FBN2: variants seen among roughly 807,000 people sequenced by gnomAD.
FBN2 encodes the protein fibrillin 2, also known as fibrillin-2.
FBN2 carries 105 observed loss-of-function variants against 355.6 expected under a neutral mutation model. The ratio of observed to expected loss-of-function variants is 0.30; its 90% CI spans 0.25 to 0.35. The LOEUF is 0.35. Ranked by LOEUF, FBN2 falls within the 10% of genes least tolerant of loss-of-function variation. FBN2 has a pLI of 1.00. For missense variants in FBN2, 3,280 were observed against 3,758.7 expected, an observed-to-expected ratio of 0.87 and a Z score of 3.33; for synonymous variants, 1,350 against 1,301.2, an observed-to-expected ratio of 1.04 and a Z score of -0.81.
chr5:128,310,394 ATATATATATTTTTTT>A (rs1326235917), intron 39 of FBN2, among the ~76,000 whole-genome samples: 566 of 20,360 alleles, frequency 0.028, 7 homozygotes, highest in South Asian at 0.15. Flanking sequence ...ATATATATAT[ATATATATATTTTTTT>A]TTTTTTTTTT....
intron 5 of FBN2, among the ~76,000 whole-genome samples, chr5:128,491,471 GT>G (rs1713802113): frequency 1.3e-5 from 2 of 152,176 alleles, no homozygotes; most frequent in African/African-American, 4.8e-5. Flanking sequence ...AGCTTAGGAA[GT>G]AATCACGTTT....
chr5:128,471,441 C>CA (rs1754857957), intron 5 of FBN2, among the ~76,000 whole-genome samples: 2 of 152,070 alleles, frequency 1.3e-5, no homozygotes, highest in African/African-American at 4.8e-5. Flanking sequence ...ATCTTTAGAT[C>CA]AAATAAACTC....
At chr5:128,338,763 A>G (rs1487807915) in intron 26 of FBN2, among the ~76,000 whole-genome samples, 170 bp downstream of exon 26, 1 of 152,084 alleles carries the variant, frequency 6.6e-6, no homozygotes, top group African/African-American at 2.4e-5. Flanking sequence ...GCTCCCCGAG[A>G]GCTATCCAGG....
chr5:128,408,548 T>C (rs1752988982), intron 8 of FBN2, 126 bp downstream of exon 8: 3 of 1,140,210 alleles, frequency 2.6e-6, no homozygotes, highest in Non-Finnish European at 3.9e-6. Context: ...CTGGTACCGT[T>C]TACATTAAAC....
intron 4 of FBN2, 130 bp from the exon 5 acceptor site, chr5:128,519,498 G>C: frequency 2.7e-6 from 2 of 727,440 alleles, no homozygotes; most frequent in Non-Finnish European, 5.0e-6. Context: ...ACTGCAACTT[G>C]TATAAATTAC....
chr5:128,351,103 GA>G (rs1299643097), intron 20 of FBN2, 98 bp from the exon 21 acceptor site: 9 of 1,440,380 alleles, frequency 6.2e-6, no homozygotes, highest in Non-Finnish European at 8.8e-6. Context: ...TTCTAAAAAA[GA>G]AAGATTACTG....
At chr5:128,360,755 T>C (rs1015305701) in intron 19 of FBN2, among the ~76,000 whole-genome samples, 9 of 151,900 alleles carry the variant, frequency 5.9e-5, no homozygotes, top group African/African-American at 1.7e-4. Context: ...GAAGAGAGAA[T>C]GTTACATCTT....
intron 41 of FBN2, 98 bp downstream of exon 41, chr5:128,309,149 A>G: frequency 1.5e-6 from 2 of 1,315,158 alleles, no homozygotes; most frequent in East Asian, 2.3e-5. Context: ...GGAACTGAGC[A>G]TCTCTAGTTT....
rs1764914729 is a variant in FBN2, at chr5:128,259,686, G to A, written c.8508C>T (p.Ile2836=). Residue 2836 remains isoleucine (I), a synonymous_variant, in exon 65 of 65, where the codon ATC becomes ATT. Coordinates refer to ENST00000262464, the MANE Select transcript of FBN2 (RefSeq NM_001999.4). The stretch of plus-strand genomic sequence containing the variant: ...AGACGCTGTCATCGTTCCCTTGAGA[G>A]ATGACATAACGGATGTGGTTGTTGA... ...QPLNNHIRYV[I]SQGNDDSVFR... 2.5e-6 allele frequency: 4 copies of A among 1,614,006 alleles called. No homozygotes were observed. The highest frequency in any genetic ancestry group is 2.2e-5 in the East Asian group (1 of 44,858).
At chr5:128,264,528 CA>C (rs372544258) in intron 62 of FBN2, among the ~76,000 whole-genome samples, 3 of 152,282 alleles carry the variant, frequency 2.0e-5, no homozygotes, top group African/African-American at 7.2e-5. Flanking sequence ...TTTACAAAAT[CA>C]AAGTCTGATT....
intron 3 of FBN2, among the ~76,000 whole-genome samples, chr5:128,528,905 A>C (rs1756637829): frequency 6.6e-6 from 1 of 152,228 alleles, no homozygotes; most frequent in Non-Finnish European, 1.5e-5. Flanking sequence ...TGGAGATGGA[A>C]AGGAAAAGAT....
chr5:128,454,074 C>A (rs1754324459), intron 6 of FBN2, among the ~76,000 whole-genome samples: 1 of 151,518 alleles, frequency 6.6e-6, no homozygotes, highest in South Asian at 2.1e-4. Context: ...AACATCTCCT[C>A]CTCTCCAATA....
chr5:128,349,457 T>C lies in FBN2; in HGVS notation c.2879A>G (p.Glu960Gly), dbSNP rs1213771482. ...ATTTGGACAAACGCCAGGGAACACCTCACACTCATTAACATCTGCAGGGAA... is the reference window on the plus strand; with the variant it reads ...ATTTGGACAAACGCCAGGGAACACCCCACACTCATTAACATCTGCAGGGAA... ...GVTCEDVNEC[E>G]VFPGVCPNGR... is the part of the protein sequence containing the mutation. Residue 960 changes from glutamate (E) to glycine (G), a missense_variant, in exon 23 of 65, where the codon GAG (glutamate) becomes GGG (glycine). Transcript: ENST00000262464. The C allele has an allele frequency of 2.5e-6, 4 of 1,613,750 alleles. No homozygotes were observed. Among genetic ancestry groups the C allele is most frequent in the Non-Finnish European group, 3.4e-6 (4 of 1,179,906 alleles).
intron 8 of FBN2, among the ~76,000 whole-genome samples, chr5:128,397,402 G>A (rs1393664623): frequency 6.6e-6 from 1 of 152,076 alleles, no homozygotes; most frequent in Non-Finnish European, 1.5e-5. Flanking sequence ...TCTCTTCAAG[G>A]CTTCTACAAG....
At chr5:128,323,159 C>T (rs1481436933) in intron 34 of FBN2, among the ~76,000 whole-genome samples, 7 of 152,060 alleles carry the variant, frequency 4.6e-5, no homozygotes, top group African/African-American at 1.2e-4. Flanking sequence ...GATTTTGGGC[C>T]GAGATGATGC....
chr5:128,302,990 T>C lies in FBN2; in HGVS notation c.5900A>G (p.His1967Arg), dbSNP rs1314671452. 3.8e-6 allele frequency: 6 copies of C among 1,580,078 alleles called. No homozygotes were observed. Among genetic ancestry groups the C allele is most frequent in the Non-Finnish European group, 4.4e-6 (5 of 1,149,116 alleles). Residue 1967 changes from histidine to arginine, a missense_variant, in exon 46 of 65, where the codon CAT becomes CGT. Coordinates refer to ENST00000262464, the MANE Select transcript of FBN2 (RefSeq NM_001999.4). Reference sequence around the variant, plus strand: ...GTACTTACCCAGGCAATCATTATTATGAGTGAGTTCAAACCCTGGGTAGCA... The same window carrying C: ...GTACTTACCCAGGCAATCATTATTACGAGTGAGTTCAAACCCTGGGTAGCA... ...CLCYPGFELT[H>R]NNDCLDIDEC...
intron 8 of FBN2, among the ~76,000 whole-genome samples, chr5:128,400,947 G>C (rs1238257186): frequency 6.6e-6 from 1 of 152,104 alleles, no homozygotes; most frequent in African/African-American, 2.4e-5. Context: ...TCATGGTAGT[G>C]ACTAAGTCTC....
At chr5:128,497,646 T>G (rs138859154) in intron 5 of FBN2, among the ~76,000 whole-genome samples, 1 of 152,164 alleles carries the variant, frequency 6.6e-6, no homozygotes, top group Non-Finnish European at 1.5e-5. Context: ...AAAGTGTTTT[T>G]AAAAGGGGGT....
chr5:128,407,840 C>T (rs1381933131), intron 8 of FBN2, among the ~76,000 whole-genome samples: 1 of 152,150 alleles, frequency 6.6e-6, no homozygotes, highest in Non-Finnish European at 1.5e-5. Context: ...GAGATCCTGG[C>T]AGTTGGTTGC....
Sources: allele counts gnomAD v4.1 joint callset (sites outside exome capture counted in the v4.1 genomes callset), GRCh38; gene constraint gnomAD v4.1.1; transcripts MANE v1.5; gene names NCBI Gene and HGNC (gene_info 2026-07-23, HGNC 2026-07-21).